STAB2: variants seen among roughly 807,000 people sequenced by gnomAD.
STAB2 encodes stabilin 2.
In STAB2, 288 loss-of-function variants were observed where a neutral mutation model predicts 338.1. The ratio of observed to expected loss-of-function variants is 0.85; its 90% CI spans 0.77 to 0.94. The LOEUF (loss-of-function observed/expected upper bound fraction) is 0.94, where lower values mean the gene tolerates loss of function less well. STAB2 is among the 40% of genes least tolerant of loss of function. The pLI, the probability that STAB2 is intolerant of heterozygous loss-of-function variation, is 0.00. For synonymous variants in STAB2, 1,202 were observed against 1,193.3 expected (o/e 1.01, Z -0.15); for missense variants, 3,141 against 3,210.1 (o/e 0.98, Z 0.52).
At chr12:103,696,575 G>A (rs527403246) in intron 33 of STAB2, among the ~76,000 whole-genome samples, 29 of 152,324 alleles carry the variant, frequency 1.9e-4, no homozygotes, top group African/African-American at 6.0e-4. Flanking sequence ...AAGTCAGATC[G>A]TGGCATGATT....
chr12:103,667,859 T>A (rs1875308428), intron 19 of STAB2, among the ~76,000 whole-genome samples: 1 of 152,170 alleles, frequency 6.6e-6, no homozygotes. Flanking sequence ...AAATCAGCAT[T>A]ATTGTCTCAT....
At chr12:103,705,418 G>T (rs1326952197) in intron 36 of STAB2, among the ~76,000 whole-genome samples, 1 of 152,190 alleles carries the variant, frequency 6.6e-6, no homozygotes, top group African/African-American at 2.4e-5. Context: ...CTACTTTAAA[G>T]TATAATTATT....
intron 48 of STAB2, among the ~76,000 whole-genome samples, chr12:103,729,834 A>G (rs577438976): frequency 8.5e-5 from 13 of 152,348 alleles, no homozygotes; most frequent in Non-Finnish European, 1.5e-4. Context: ...CAAATATAAA[A>G]GAGAAGCCAA....
intron 29 of STAB2, 22 bp downstream of exon 29, chr12:103,690,004 T>C: frequency 6.2e-7 from 1 of 1,607,926 alleles, no homozygotes; most frequent in Non-Finnish European, 8.5e-7. Flanking sequence ...TTATTTTATT[T>C]TACATCGTAT....
At chr12:103,653,981 GATGGGTGA>G in intron 12 of STAB2, among the ~76,000 whole-genome samples, 1 of 152,182 alleles carries the variant, frequency 6.6e-6, no homozygotes, top group Non-Finnish European at 1.5e-5. Flanking sequence ...TGGATGGATG[GATGGGTGA>G]ATGGATGGAT....
chr12:103,692,163 G>A (rs1314134161), intron 30 of STAB2, among the ~76,000 whole-genome samples: 4 of 152,224 alleles, frequency 2.6e-5, no homozygotes. Flanking sequence ...GGAAGGGCCT[G>A]TCTTTGGCCT....
chr12:103,667,698 T>C (rs919942568), intron 19 of STAB2, among the ~76,000 whole-genome samples: 1 of 152,198 alleles, frequency 6.6e-6, no homozygotes, highest in African/African-American at 2.4e-5. Context: ...CAGAATTCCT[T>C]CATATAGCTA....
intron 26 of STAB2, among the ~76,000 whole-genome samples, chr12:103,684,085 T>C (rs909523808): frequency 2.6e-5 from 4 of 152,188 alleles, no homozygotes; most frequent in Non-Finnish European, 4.4e-5. Flanking sequence ...TCTGAGACAA[T>C]GTGACCTCTC....
chr12:103,738,076 G>A (rs566670203), intron 53 of STAB2, among the ~76,000 whole-genome samples: 28 of 152,194 alleles, frequency 1.8e-4, no homozygotes, highest in Admixed American at 4.6e-4. Context: ...ACTGCCATTC[G>A]TTTTCAAACA....
intron 39 of STAB2, among the ~76,000 whole-genome samples, chr12:103,709,729 G>A (rs1879679184): frequency 6.6e-6 from 1 of 152,220 alleles, no homozygotes; most frequent in Admixed American, 6.5e-5. Context: ...ATGGTCCCAA[G>A]CCAAAGAAAT....
At chr12:103,667,148 C>G (rs1875186571) in intron 19 of STAB2, among the ~76,000 whole-genome samples, 1 of 152,180 alleles carries the variant, frequency 6.6e-6, no homozygotes, top group Non-Finnish European at 1.5e-5. Flanking sequence ...GTTATGAGCT[C>G]TTTAATGTGA....
chr12:103,643,695 T>C (rs1027908612), intron 9 of STAB2, among the ~76,000 whole-genome samples: 1 of 152,078 alleles, frequency 6.6e-6, no homozygotes, highest in East Asian at 1.9e-4. Context: ...TTATCTAAAA[T>C]GGGGCTAATA....
chr12:103,664,112 A>AGTTTTGTTTTGTTTGGTTTT (rs1874860277), intron 18 of STAB2, among the ~76,000 whole-genome samples: 1 of 151,438 alleles, frequency 6.6e-6, no homozygotes, highest in Non-Finnish European at 1.5e-5. Context: ...TGGCTCAGCC[A>AGTTTTGTTTTGTTTGGTTTT]GTTTTGTTTT....
intron 5 of STAB2, among the ~76,000 whole-genome samples, chr12:103,623,146 A>G (rs1037353167): frequency 6.6e-6 from 1 of 152,190 alleles, no homozygotes; most frequent in South Asian, 2.1e-4. Context: ...GAAAATAAAC[A>G]GGATGTTATT....
Position 103,735,483 on chromosome 12 carries a change from T to G in STAB2, c.5461-8T>G. The G allele has an allele frequency of 1.2e-6, 2 of 1,602,496 alleles. No individual in the cohort carries two copies. Among genetic ancestry groups the G allele is most frequent in the South Asian group, 2.3e-5 (2 of 88,768 alleles). ...TGGGGCAGTCACGTGGTGCCATCAC[T>G]CCTACAGGTTTTAGCTGTGGATCTT... On this transcript the variant is annotated splice_region_variant and splice_polypyrimidine_tract_variant and intron_variant, in intron 51 of 68. Transcript: ENST00000388887.
At chr12:103,642,858 A>G (rs703626) in intron 9 of STAB2, among the ~76,000 whole-genome samples, 147,322 of 152,318 alleles carry the variant, frequency 0.97, 71,369 homozygotes, top group African/African-American at 0.99. Flanking sequence ...GGTATGGAGG[A>G]TATGGCCAAA....
intron 34 of STAB2, among the ~76,000 whole-genome samples, chr12:103,701,879 C>T (rs1041845609): frequency 6.6e-6 from 1 of 151,822 alleles, no homozygotes; most frequent in African/African-American, 2.4e-5. Flanking sequence ...TTTAATATTG[C>T]TGTAACATGG....
intron 3 of STAB2, among the ~76,000 whole-genome samples, chr12:103,606,825 A>C (rs756364070): frequency 1.3e-5 from 2 of 152,134 alleles, no homozygotes; most frequent in Non-Finnish European, 2.9e-5. Flanking sequence ...TCTACTAAGA[A>C]TACAAAAAAT....
At chr12:103,667,425 G>A (rs1453918271) in intron 19 of STAB2, among the ~76,000 whole-genome samples, 2 of 152,172 alleles carry the variant, frequency 1.3e-5, no homozygotes, top group Non-Finnish European at 2.9e-5. Context: ...AGGGCACTAA[G>A]GCAAGGAAAC....
Sources: allele counts gnomAD v4.1 joint callset (sites outside exome capture counted in the v4.1 genomes callset), GRCh38; gene constraint gnomAD v4.1.1; transcripts MANE v1.5; gene names NCBI Gene and HGNC (gene_info 2026-07-23, HGNC 2026-07-21).